LOC400499: variants seen among roughly 807,000 people sequenced by gnomAD.
chr16:11,434,482 G>GCTA, the LOC400499 span, among the ~76,000 whole-genome samples: 1 of 152,154 alleles, frequency 6.6e-6, no homozygotes, highest in Non-Finnish European at 1.5e-5. Context: ...GGGGTCTGAT[G>GCTA]CTACCTCCAG....
chr16:11,449,037 G>C, the LOC400499 span: 8 of 1,510,356 alleles, frequency 5.3e-6, no homozygotes, highest in Non-Finnish European at 6.2e-6. Context: ...CTGCACTGCT[G>C]CGTTCCAGGC....
the LOC400499 span, among the ~76,000 whole-genome samples, chr16:11,451,834 G>A: frequency 3.9e-5 from 6 of 152,278 alleles, no homozygotes; most frequent in Non-Finnish European, 8.8e-5. Context: ...ACACAGTGAC[G>A]GGAAGGAGGA....
At chr16:11,525,141 G>T in the LOC400499 span, among the ~76,000 whole-genome samples, 2,826 of 151,980 alleles carry the variant, frequency 0.019, 82 homozygotes, top group African/African-American at 0.065. Flanking sequence ...AAAATTAGCC[G>T]GGCGTGGTGG....
the LOC400499 span, chr16:11,475,785 G>C: frequency 4.5e-5 from 18 of 396,856 alleles, no homozygotes; most frequent in Non-Finnish European, 8.0e-5. Context: ...AACACCTTGA[G>C]CTGCCAGAGC....
the LOC400499 span, chr16:11,399,719 C>T: frequency 5.0e-6 from 2 of 398,864 alleles, no homozygotes; most frequent in Non-Finnish European, 8.8e-6. Flanking sequence ...GGGGAGGCGG[C>T]CAGGCAGCCG....
chr16:11,388,940 C>T, the LOC400499 span, among the ~76,000 whole-genome samples: 1 of 151,922 alleles, frequency 6.6e-6, no homozygotes, highest in Non-Finnish European at 1.5e-5. Flanking sequence ...TACAAAAATT[C>T]GCTGGGCTTG....
the LOC400499 span, among the ~76,000 whole-genome samples, chr16:11,485,460 C>G: frequency 6.6e-6 from 1 of 152,190 alleles, no homozygotes; most frequent in Non-Finnish European, 1.5e-5. Context: ...GTATCAATCA[C>G]TAGGCACCTG....
At chr16:11,383,811 C>G in the LOC400499 span, 1 of 1,232,300 alleles carries the variant, frequency 8.1e-7, no homozygotes, top group Non-Finnish European at 1.0e-6. Context: ...GAGTCACTGT[C>G]CACACCCTGA....
the LOC400499 span, among the ~76,000 whole-genome samples, chr16:11,408,637 T>G: frequency 6.6e-6 from 1 of 152,004 alleles, no homozygotes; most frequent in African/African-American, 2.4e-5. Flanking sequence ...GGCTGATTTT[T>G]AAATTTTCTG....
the LOC400499 span, among the ~76,000 whole-genome samples, chr16:11,386,802 G>A: frequency 2.6e-5 from 4 of 152,230 alleles, no homozygotes; most frequent in Non-Finnish European, 5.9e-5. Flanking sequence ...GCCTCTGACC[G>A]GCGAGTCTGA....
chr16:11,471,705 G>C, the LOC400499 span: 2 of 399,178 alleles, frequency 5.0e-6, no homozygotes, highest in East Asian at 3.6e-5. Flanking sequence ...GGAGCCCCGG[G>C]TCCCGTTTCT....
At chr16:11,464,665 G>T in the LOC400499 span, among the ~76,000 whole-genome samples, 1 of 152,190 alleles carries the variant, frequency 6.6e-6, no homozygotes, top group African/African-American at 2.4e-5. Context: ...GGACTTGAAG[G>T]GGGGACCTCC....
the LOC400499 span, among the ~76,000 whole-genome samples, chr16:11,380,244 T>A: frequency 7.3e-4 from 69 of 94,064 alleles, no homozygotes; most frequent in Non-Finnish European, 4.1e-5. Context: ...ACCTAGCATC[T>A]TTTTTTTTTT....
chr16:11,472,108 C>T, the LOC400499 span: 1 of 327,046 alleles, frequency 3.1e-6, no homozygotes, highest in Non-Finnish European at 5.5e-6. Flanking sequence ...TAACCCCTAC[C>T]AACAACCAAA....
chr16:11,396,562 G>T, the LOC400499 span: 3 of 1,232,194 alleles, frequency 2.4e-6, no homozygotes, highest in East Asian at 3.2e-5. Flanking sequence ...GGTTTTGGAG[G>T]GTCAGGCTGA....
the LOC400499 span, among the ~76,000 whole-genome samples, chr16:11,505,654 C>G: frequency 6.6e-6 from 1 of 151,682 alleles, no homozygotes; most frequent in South Asian, 2.1e-4. Flanking sequence ...CCCTGTGTTG[C>G]CCAGGCTGGT....
chr16:11,524,027 C>A, the LOC400499 span, among the ~76,000 whole-genome samples: 3 of 100,642 alleles, frequency 3.0e-5, no homozygotes, highest in African/African-American at 1.2e-4. Context: ...CACCCCCAAC[C>A]CCCCTCCTAC....
At chr16:11,402,917 T>C in the LOC400499 span, among the ~76,000 whole-genome samples, 2 of 151,990 alleles carry the variant, frequency 1.3e-5, no homozygotes, top group Admixed American at 6.5e-5. Context: ...CTGTGCCCCC[T>C]CGGAAGCCCC....
chr16:11,523,587 G>C, the LOC400499 span: 2 of 395,590 alleles, frequency 5.1e-6, no homozygotes, highest in Admixed American at 8.8e-5. Flanking sequence ...GATAATGCCA[G>C]CTCTCCCCAG....
Sources: allele counts gnomAD v4.1 joint callset (sites outside exome capture counted in the v4.1 genomes callset), GRCh38; gene constraint gnomAD v4.1.1; transcripts MANE v1.5.